Variants in LARP4B observed in about 807,000 individuals in gnomAD.
The protein encoded by LARP4B is La ribonucleoprotein 4B.
In LARP4B, 12 loss-of-function variants were observed where a neutral mutation model predicts 89.8. The observed-to-expected ratio is 0.13, with a 90% confidence interval of 0.09 to 0.22. LARP4B has a LOEUF of 0.22. Ranked by LOEUF, LARP4B falls within the 10% of genes least tolerant of loss-of-function variation. The pLI, the probability that LARP4B is intolerant of heterozygous loss-of-function variation, is 1.00. For synonymous variants in LARP4B, 367 were observed against 363.3 expected, an observed-to-expected ratio of 1.01 and a Z score of -0.12; for missense variants, 757 against 947.7, an observed-to-expected ratio of 0.80 and a Z score of 2.64.
intron 1 of LARP4B, among the ~76,000 whole-genome samples, chr10:894,102 T>C (rs764572436): frequency 2.0e-5 from 3 of 152,210 alleles, no homozygotes; most frequent in Non-Finnish European, 2.9e-5. Context: ...CTGCTGAAAT[T>C]ATCAAGTGAA....
intron 12 of LARP4B, 97 bp downstream of exon 12, chr10:825,667 T>C (rs991114439): frequency 1.3e-6 from 1 of 780,460 alleles, no homozygotes; most frequent in Non-Finnish European, 2.1e-6. Context: ...TGGCTCTGTC[T>C]GCGAGGAGCA....
At chr10:978,855 A>G in the LARP4B span, among the ~76,000 whole-genome samples, 2 of 152,138 alleles carry the variant, frequency 1.3e-5, no homozygotes, top group Non-Finnish European at 2.9e-5. Context: ...CTTTGTCTGT[A>G]AATGTTTTTC....
intron 13 of LARP4B, among the ~76,000 whole-genome samples, chr10:824,111 C>CT (rs1279361294): frequency 6.6e-6 from 1 of 152,176 alleles, no homozygotes; most frequent in African/African-American, 2.4e-5. Flanking sequence ...CCTGAAAAAG[C>CT]TCAGGTATTT....
In LARP4B at chr10:843,009, G is replaced by C. The variant is rs781407857; in HGVS notation, c.569C>G (p.Pro190Arg). The C allele has an allele frequency of 6.2e-7, 1 of 1,613,872 alleles. No individual in the cohort carries two copies. The highest frequency in any genetic ancestry group is 1.1e-5 in the South Asian group (1 of 91,066). ...ISQMDSDQYV[P>R]ITTVANLDHI... is the part of the protein sequence containing the mutation. Reference sequence around the variant, plus strand: ...GTCGAGGTTAGCCACCGTTGTGATTGGCACATACTGGTCACTATCCATCTG... The same window carrying C: ...GTCGAGGTTAGCCACCGTTGTGATTCGCACATACTGGTCACTATCCATCTG... Residue 190 changes from proline to arginine, a missense_variant, in exon 7 of 18, where the codon CCA becomes CGA. By Grantham distance (103) the Pro-to-Arg change is moderately radical. Coordinates refer to ENST00000316157, the MANE Select transcript of LARP4B (RefSeq NM_015155.3).
chr10:973,984 C>T, the LARP4B span, among the ~76,000 whole-genome samples: 1 of 152,204 alleles, frequency 6.6e-6, no homozygotes, highest in African/African-American at 2.4e-5. Flanking sequence ...TGCCCTTTCC[C>T]CATGTGGTCC....
At chr10:905,367 A>G (rs994959179) in intron 1 of LARP4B, among the ~76,000 whole-genome samples, 2 of 152,182 alleles carry the variant, frequency 1.3e-5, no homozygotes, top group South Asian at 2.1e-4. Context: ...AATATTCCTA[A>G]TATATACGTA....
intron 1 of LARP4B, among the ~76,000 whole-genome samples, chr10:907,556 A>G (rs565517281): frequency 1.3e-5 from 2 of 152,376 alleles, no homozygotes; most frequent in South Asian, 4.1e-4. Context: ...TATTATCAAA[A>G]CAAATCACTA....
chr10:973,906 G>A, the LARP4B span, among the ~76,000 whole-genome samples: 1 of 152,136 alleles, frequency 6.6e-6, no homozygotes, highest in South Asian at 2.1e-4. Context: ...GCTGAGGTGT[G>A]ACAGAGTATT....
chr10:891,116 C>A (rs1836006343), intron 1 of LARP4B, among the ~76,000 whole-genome samples: 1 of 150,336 alleles, frequency 6.7e-6, no homozygotes. Context: ...ACGGAAATAC[C>A]AACAATACCA....
chr10:901,846 T>C (rs1476385654), intron 1 of LARP4B, among the ~76,000 whole-genome samples: 1 of 152,242 alleles, frequency 6.6e-6, no homozygotes, highest in African/African-American at 2.4e-5. Flanking sequence ...GAGTTTTATT[T>C]ATAGTTTGAG....
the LARP4B span, among the ~76,000 whole-genome samples, chr10:957,692 G>T: frequency 6.6e-6 from 1 of 151,918 alleles, no homozygotes; most frequent in Admixed American, 6.6e-5. Context: ...AATTTTATAA[G>T]GTTAAATCTA....
In LARP4B at chr10:810,006, C is replaced by T. The variant is rs908658847; in HGVS notation, c.*2920G>A. 4 of 152,226 alleles carry T rather than the reference C, an allele frequency of 2.6e-5. No individual in the cohort carries two copies. Among genetic ancestry groups the T allele is most frequent in the Middle Eastern group, 3.2e-3 (1 of 316 alleles). 9.4% of individuals were successfully genotyped at this position (152,226 alleles called of 1,614,324 possible). On this transcript the variant is annotated 3_prime_UTR_variant, in exon 18 of 18. Transcript: ENST00000316157. ...CAAGACACTCACTCTCAGAGAACGA[C>T]GACTCCACTTGAAATTCATGTCTGG... is the stretch of plus-strand genomic sequence containing the variant.
At chr10:915,198 TCAC>T (rs1836786543) in intron 1 of LARP4B, among the ~76,000 whole-genome samples, 1 of 152,054 alleles carries the variant, frequency 6.6e-6, no homozygotes, top group Non-Finnish European at 1.5e-5. Flanking sequence ...GGTGGGAGGA[TCAC>T]TTGAGCCCAG....
intron 1 of LARP4B, among the ~76,000 whole-genome samples, chr10:905,664 AG>A: frequency 9.1e-5 from 2 of 21,862 alleles, no homozygotes; most frequent in Non-Finnish European, 2.3e-4. Flanking sequence ...TGGGGAGGGG[AG>A]GAGCTGAGGA....
chr10:885,650 G>A lies in LARP4B; in HGVS notation c.72C>T (p.Ser24=), dbSNP rs368181906. Reference sequence around the variant, plus strand: ...ATTCGACAGCACCCACCAGATGAGCGCTGTCCTTGCCCTCCTGGACTCTCT... The same window carrying A: ...ATTCGACAGCACCCACCAGATGAGCACTGTCCTTGCCCTCCTGGACTCTCT... ...QTQRVQEGKD[S]AHLMNGPISQ... Residue 24 remains serine (S), a synonymous_variant, in exon 2 of 18, where the codon AGC becomes AGT. Coordinates refer to ENST00000316157, the MANE Select transcript of LARP4B (RefSeq NM_015155.3). The A allele has an allele frequency of 6.8e-5, 109 of 1,613,614 alleles. No homozygotes were observed. The highest frequency in any genetic ancestry group is 6.0e-4 in the African/African-American group (45 of 74,878).
rs560940742 is a variant in LARP4B at position 861,289 on chromosome 10, T to C, written c.430+2454A>G. ...GTACAGAACAACTTATCAAACTGGG[T>C]GGACAAAGCAAAGAGGAATGAAAGA... On this transcript the variant is annotated intron_variant, in intron 5 of 17. Transcript: ENST00000316157. 5.9e-5 allele frequency among the ~76,000 whole-genome samples: 9 copies of C among 152,288 alleles called. No homozygotes were observed. In the South Asian group the frequency reaches 1.5e-3, roughly 25 times the overall value.
intron 13 of LARP4B, among the ~76,000 whole-genome samples, chr10:821,921 G>A (rs1030351774): frequency 6.6e-6 from 1 of 152,220 alleles, no homozygotes; most frequent in African/African-American, 2.4e-5. Context: ...CTGAGCCACA[G>A]GTGGGGCATG....
At chr10:920,898 CTAT>C (rs895634113) in intron 1 of LARP4B, among the ~76,000 whole-genome samples, 9 of 152,114 alleles carry the variant, frequency 5.9e-5, no homozygotes, top group African/African-American at 1.4e-4. Context: ...GTTATGTTCA[CTAT>C]TATTATTATT....
At chr10:845,197 A>G (rs1833713601) in intron 5 of LARP4B, 142 bp from the exon 6 acceptor site, 1 of 576,682 alleles carries the variant, frequency 1.7e-6, no homozygotes, top group African/African-American at 1.9e-5. Flanking sequence ...ATGCTACTTT[A>G]CCTATCAAAA....
Sources: gnomAD v4.1 joint callset for allele counts (sites outside exome capture counted in the v4.1 genomes callset) on GRCh38, gnomAD v4.1.1 for gene constraint, MANE v1.5 for transcripts, NCBI Gene and HGNC (gene_info 2026-07-23, HGNC 2026-07-21) for gene names.